Variants in NR6A1 observed in about 807,000 individuals in gnomAD.
NR6A1 encodes the protein retinoic acid receptor-related testis-associated receptor.
In NR6A1, 7 loss-of-function variants were observed where a neutral mutation model predicts 59.1. That is an observed-to-expected ratio of 0.12 (90% confidence interval 0.07 to 0.22). NR6A1 has a LOEUF of 0.22. Among genes scored for constraint, NR6A1 ranks in the 10% least tolerant of loss-of-function variants. The pLI is 1.00. For missense variants in NR6A1, 468 were observed against 611.6 expected (o/e 0.77, Z 2.48); for synonymous variants, 243 against 236.1 (o/e 1.03, Z -0.27).
intron 2 of NR6A1, among the ~76,000 whole-genome samples, chr9:124,596,420 C>T (rs1228814705): frequency 6.6e-6 from 1 of 152,106 alleles, no homozygotes; most frequent in Non-Finnish European, 1.5e-5. Context: ...GAGTTGTTTG[C>T]AGGGCTTACT....
At chr9:124,726,248 T>C (rs1839714567) in intron 2 of NR6A1, among the ~76,000 whole-genome samples, 1 of 152,202 alleles carries the variant, frequency 6.6e-6, no homozygotes, top group Admixed American at 6.5e-5. Context: ...CCAGTCTCCA[T>C]GACCAAAAAT....
chr9:124,690,704 C>A (rs564245132), intron 2 of NR6A1, among the ~76,000 whole-genome samples: 1 of 152,174 alleles, frequency 6.6e-6, no homozygotes, highest in African/African-American at 2.4e-5. Flanking sequence ...TCACTCTTAG[C>A]TAATTTAACC....
At chr9:124,644,660 C>T (rs904003395) in intron 2 of NR6A1, among the ~76,000 whole-genome samples, 5 of 152,146 alleles carry the variant, frequency 3.3e-5, no homozygotes, top group Admixed American at 1.3e-4. Flanking sequence ...AGCTGCACAA[C>T]GGAGAAGCCA....
At chr9:124,668,928 GA>G (rs941748586) in intron 2 of NR6A1, among the ~76,000 whole-genome samples, 2 of 151,450 alleles carry the variant, frequency 1.3e-5, no homozygotes, top group Non-Finnish European at 2.9e-5. Context: ...TCAATAAAGA[GA>G]AAAAAAGGGA....
chr9:124,587,358 C>T (rs1292522474), intron 2 of NR6A1, among the ~76,000 whole-genome samples: 1 of 152,142 alleles, frequency 6.6e-6, no homozygotes, highest in African/African-American at 2.4e-5. Flanking sequence ...ATGCCTATCG[C>T]TTCTCTATTT....
At chr9:124,597,952 G>A (rs931478636) in intron 2 of NR6A1, among the ~76,000 whole-genome samples, 12 of 152,044 alleles carry the variant, frequency 7.9e-5, no homozygotes, top group African/African-American at 2.7e-4. Flanking sequence ...CAATCCTCCC[G>A]CATGAGCCTC....
chr9:124,608,687 T>C (rs1835646247), intron 2 of NR6A1, among the ~76,000 whole-genome samples: 1 of 152,188 alleles, frequency 6.6e-6, no homozygotes, highest in African/African-American at 2.4e-5. Context: ...TCAAATGGTA[T>C]TTCTGGTTCT....
intron 2 of NR6A1, among the ~76,000 whole-genome samples, chr9:124,707,270 C>T (rs1839160891): frequency 6.6e-6 from 1 of 152,152 alleles, no homozygotes; most frequent in African/African-American, 2.4e-5. Context: ...TCACCTCAAA[C>T]CGGCTGCTGA....
chr9:124,668,036 T>C (rs1200033355), intron 2 of NR6A1, among the ~76,000 whole-genome samples: 1 of 152,126 alleles, frequency 6.6e-6, no homozygotes, highest in Non-Finnish European at 1.5e-5. Context: ...CAGTCAAAAA[T>C]CCATGTATAA....
chr9:124,592,676 C>T (rs1835162503), intron 2 of NR6A1, among the ~76,000 whole-genome samples: 1 of 152,162 alleles, frequency 6.6e-6, no homozygotes, highest in Non-Finnish European at 1.5e-5. Context: ...GCGCAGGTCT[C>T]CCCGCCTCCC....
chr9:124,555,802 C>T (rs1588663137), intron 2 of NR6A1, among the ~76,000 whole-genome samples: 1 of 152,032 alleles, frequency 6.6e-6, no homozygotes, highest in African/African-American at 2.4e-5. Flanking sequence ...TACCTATATC[C>T]CATGGATAAA....
chr9:124,642,150 G>A (rs1166949179), intron 2 of NR6A1, among the ~76,000 whole-genome samples: 3 of 152,042 alleles, frequency 2.0e-5, no homozygotes, highest in African/African-American at 7.2e-5. Context: ...CTGGGTTCAA[G>A]CCAATTCTCC....
Position 124,531,199 on chromosome 9 carries a change from C to T in NR6A1, c.1080-4299G>A, listed in dbSNP as rs1474349828. 2.0e-5 allele frequency among the ~76,000 whole-genome samples: 3 copies of T among 152,306 alleles called. No individual in the cohort carries two copies. In the East Asian group the frequency reaches 5.8e-4, roughly 29 times the overall value. On this transcript the variant is annotated intron_variant, in intron 7 of 9. Coordinates refer to ENST00000487099, the MANE Select transcript of NR6A1 (RefSeq NM_033334.4). Reference sequence around the variant, plus strand: ...ATCTAGCAGAAATGGAGCTGGTGCTCATGAGATAGAGGTACCCATTAAAGC... The same window carrying T: ...ATCTAGCAGAAATGGAGCTGGTGCTTATGAGATAGAGGTACCCATTAAAGC...
At chr9:124,721,342 T>C (rs1264216875) in intron 2 of NR6A1, among the ~76,000 whole-genome samples, 2 of 152,118 alleles carry the variant, frequency 1.3e-5, no homozygotes, top group African/African-American at 4.8e-5. Flanking sequence ...AAGCTCTGGA[T>C]CTCATACCAC....
chr9:124,598,657 A>AC (rs1835350489), intron 2 of NR6A1: 5 of 389,680 alleles, frequency 1.3e-5, no homozygotes, highest in South Asian at 1.1e-4. Context: ...TAAAAAAAAA[A>AC]AAAAAAAAAA....
chr9:124,678,486 G>C (rs549106314), intron 2 of NR6A1, among the ~76,000 whole-genome samples: 54 of 152,350 alleles, frequency 3.5e-4, no homozygotes, highest in African/African-American at 1.3e-3. Context: ...ACAATGGAGT[G>C]AGACAGAAGA....
At chr9:124,744,238 C>G (rs1277280418) in intron 1 of NR6A1, among the ~76,000 whole-genome samples, 1 of 149,892 alleles carries the variant, frequency 6.7e-6, no homozygotes, top group African/African-American at 2.5e-5. Flanking sequence ...TTGTCTCAAA[C>G]AAAAAAAGAA....
At chr9:124,666,857 T>C (rs1489787250) in intron 2 of NR6A1, among the ~76,000 whole-genome samples, 1 of 152,066 alleles carries the variant, frequency 6.6e-6, no homozygotes, top group Non-Finnish European at 1.5e-5. Flanking sequence ...CATTGTGAAA[T>C]GTGCCTCTCT....
intron 1 of NR6A1, among the ~76,000 whole-genome samples, chr9:124,766,585 A>C (rs969490558): frequency 1.3e-5 from 2 of 152,196 alleles, no homozygotes; most frequent in African/African-American, 4.8e-5. Context: ...AAAAAAACAG[A>C]CTGACCCAAC....
Sources: gnomAD v4.1 joint callset for allele counts (sites outside exome capture counted in the v4.1 genomes callset) on GRCh38, gnomAD v4.1.1 for gene constraint, MANE v1.5 for transcripts, NCBI Gene and HGNC (gene_info 2026-07-23, HGNC 2026-07-21) for gene names.